Variants in DISC1 observed in about 807,000 individuals in gnomAD.
DISC1 encodes the protein disrupted in schizophrenia 1 protein.
DISC1 carries 57 observed loss-of-function variants against 84.5 expected under a neutral mutation model. The observed-to-expected ratio is 0.67, with a 90% CI of 0.55 to 0.84. The LOEUF is 0.84. Ranked by LOEUF, DISC1 falls within the 40% of genes least tolerant of loss-of-function variation. The pLI, the probability that DISC1 is intolerant of heterozygous loss-of-function variation, is 0.00. For missense variants in DISC1, 1,000 were observed against 1,057.8 expected (o/e 0.95, Z 0.76); for synonymous variants, 411 against 415.2 (o/e 0.99, Z 0.12).
intron 9 of DISC1, among the ~76,000 whole-genome samples, chr1:231,948,972 C>T (rs1206892425): frequency 1.3e-5 from 2 of 148,232 alleles, no homozygotes; most frequent in Non-Finnish European, 3.0e-5. Context: ...TGGGTTCAAG[C>T]GATTCTCCTG....
chr1:231,990,503 G>A (rs1200491519), intron 10 of DISC1, among the ~76,000 whole-genome samples: 1 of 152,112 alleles, frequency 6.6e-6, no homozygotes, highest in Admixed American at 6.5e-5. Flanking sequence ...GTGATTGTTG[G>A]CACTGCTCTT....
Position 231,626,828 on chromosome 1 carries a change from G to A in DISC1, c.-40G>A. 1 of 1,412,364 alleles carries A rather than the reference G, an allele frequency of 7.1e-7. No individual in the cohort carries two copies. The highest frequency in any genetic ancestry group is 9.2e-7 in the Non-Finnish European group (1 of 1,089,698). 87.5% of individuals were successfully genotyped at this position (1,412,364 alleles called of 1,614,324 possible). On this transcript the variant is annotated 5_prime_UTR_variant, in exon 1 of 13. Transcript: ENST00000439617. ...CTCTGGCCTCGGGGAAGGAGCAGGA[G>A]GCAGCCCAGGCGGAGCGGGAGGAGC...
chr1:231,672,373 A>G, intron 1 of DISC1, among the ~76,000 whole-genome samples: 1 of 152,172 alleles, frequency 6.6e-6, no homozygotes, highest in East Asian at 1.9e-4. Context: ...CTCCTAAATT[A>G]TGCTACCACT....
At chr1:231,839,730 G>A (rs913628639) in intron 9 of DISC1, among the ~76,000 whole-genome samples, 1 of 152,228 alleles carries the variant, frequency 6.6e-6, no homozygotes, top group Non-Finnish European at 1.5e-5. Context: ...GGCTGTACAT[G>A]AAATATAGTG....
At position 231,694,015 on chromosome 1, in the gene DISC1, G is replaced by A. The variant is rs1229813627; in HGVS notation, c.257G>A (p.Cys86Tyr). The change falls in exon 2 of 13, where the codon TGT becomes TAT. Residue 86 changes from cysteine to tyrosine, a missense_variant. This residue lies in a region of DISC1 where 292 missense variants were observed against 280.2 expected (regional missense o/e 1.04). Transcript: ENST00000439617. ...CACTCGGAGTCCAGGGCCAGACAGT[G>A]TGGCCTTGACTCGAGAGGCCTCTTG... The part of the protein sequence containing the change: ...SHHSESRARQ[C>Y]GLDSRGLLVR... The A allele has an allele frequency of 5.0e-6, 8 of 1,614,044 alleles. No individual in the cohort carries two copies. The highest frequency in any genetic ancestry group is 6.8e-6 in the Non-Finnish European group (8 of 1,180,006).
intron 3 of DISC1, among the ~76,000 whole-genome samples, chr1:231,719,043 T>C (rs2069203310): frequency 6.6e-6 from 1 of 152,162 alleles, no homozygotes; most frequent in African/African-American, 2.4e-5. Flanking sequence ...GAGGATTGTT[T>C]AAGCCCAGGA....
intron 9 of DISC1, among the ~76,000 whole-genome samples, chr1:231,898,819 G>T (rs1342789289): frequency 2.0e-5 from 3 of 152,062 alleles, no homozygotes; most frequent in African/African-American, 4.8e-5. Context: ...TGTAATCCCA[G>T]CTACTCAGGA....
chr1:231,731,163 G>A lies in DISC1; in HGVS notation c.1118-18763G>A, dbSNP rs140788750. Among the ~76,000 whole-genome samples, 1,389 of 152,266 alleles carry A rather than the reference G, an allele frequency of 9.1e-3. 5 individuals carry two copies. The highest frequency in any genetic ancestry group is 0.014 in the Non-Finnish European group (973 of 68,024). On this transcript the variant is annotated intron_variant, in intron 3 of 12. Transcript: ENST00000439617. ...TATTCTGTTGTAGCCCAGTTTTTAG[G>A]CAGTATTGATTCAGGAAAGGCAAGC...
intron 9 of DISC1, among the ~76,000 whole-genome samples, chr1:231,891,510 G>A (rs938750248): frequency 5.3e-5 from 8 of 152,172 alleles, no homozygotes; most frequent in Non-Finnish European, 8.8e-5. Flanking sequence ...ACTTTATTGT[G>A]GTTTCTGCAG....
At chr1:232,017,500 T>TA (rs1491509888) in intron 11 of DISC1, among the ~76,000 whole-genome samples, 11 of 129,002 alleles carry the variant, frequency 8.5e-5, no homozygotes, top group Non-Finnish European at 1.8e-4. Context: ...TTTTTTTTTT[T>TA]ACTGTGTAGC....
At chr1:231,648,215 T>C (rs1305124291) in intron 1 of DISC1, among the ~76,000 whole-genome samples, 1 of 152,254 alleles carries the variant, frequency 6.6e-6, no homozygotes, top group Admixed American at 6.5e-5. Context: ...ATAGCTCTTA[T>C]TATTTTGAGA....
At position 231,969,201 on chromosome 1, in the gene DISC1, T is replaced by G. The variant is rs866844042; in HGVS notation, c.2042+10313T>G. Among the ~76,000 whole-genome samples, 250 of 149,212 alleles carry G rather than the reference T, an allele frequency of 1.7e-3. 4 individuals carry two copies. Among genetic ancestry groups the G allele is most frequent in the African/African-American group, 5.8e-3 (235 of 40,512 alleles). On this transcript the variant is annotated intron_variant, in intron 10 of 12. Coordinates refer to ENST00000439617, the MANE Select transcript of DISC1 (RefSeq NM_018662.3). ...ACACTCAGCGGTTTTTTTTTTTTTTTTTTTTTTTTTGCTGTCTGCCCTTTG... is the reference window on the plus strand; with the variant it reads ...ACACTCAGCGGTTTTTTTTTTTTTTGTTTTTTTTTTGCTGTCTGCCCTTTG...
intron 9 of DISC1, among the ~76,000 whole-genome samples, chr1:231,874,885 C>A (rs1441621668): frequency 7.0e-6 from 1 of 143,492 alleles, no homozygotes; most frequent in African/African-American, 2.6e-5. Flanking sequence ...CACTCCAGCT[C>A]TAGCCTGGGT....
intron 9 of DISC1, among the ~76,000 whole-genome samples, chr1:231,886,754 T>C (rs11122364): frequency 0.013 from 1,594 of 124,130 alleles, 41 homozygotes; most frequent in African/African-American, 0.046. Flanking sequence ...TTTCTTCCTT[T>C]CTTCCTTCCT....
intron 9 of DISC1, among the ~76,000 whole-genome samples, chr1:231,874,038 G>C (rs1486889159): frequency 6.6e-6 from 1 of 151,506 alleles, no homozygotes; most frequent in African/African-American, 2.4e-5. Flanking sequence ...GGTAGAGATG[G>C]AGTTTCACTA....
At chr1:232,035,465 G>A (rs185473220) in intron 12 of DISC1, among the ~76,000 whole-genome samples, 1 of 152,208 alleles carries the variant, frequency 6.6e-6, no homozygotes, top group East Asian at 1.9e-4. Flanking sequence ...AAAAAGAAAG[G>A]GAAAGCTTTC....
Position 232,026,417 on chromosome 1 carries a change from T to G in DISC1, c.2308-18T>G. 6.5e-7 allele frequency: 1 copy of G among 1,549,778 alleles called. No individual in the cohort carries two copies. The highest frequency in any genetic ancestry group is 8.8e-7 in the Non-Finnish European group (1 of 1,134,948). On this transcript the variant is annotated intron_variant, in intron 11 of 12. Transcript: ENST00000439617. ...TCCACGGCACTAACAAGTGATCTTGTTTTCCCCCTCTCGCCAGGAATCTTA... is the reference window on the plus strand; with the variant it reads ...TCCACGGCACTAACAAGTGATCTTGGTTTCCCCCTCTCGCCAGGAATCTTA...
chr1:231,655,894 T>C (rs2061023358), intron 1 of DISC1, among the ~76,000 whole-genome samples: 1 of 152,200 alleles, frequency 6.6e-6, no homozygotes, highest in African/African-American at 2.4e-5. Flanking sequence ...CATTTGTATA[T>C]GTTATTTTGA....
At chr1:231,869,036 C>T (rs753445427) in intron 9 of DISC1, among the ~76,000 whole-genome samples, 7 of 152,006 alleles carry the variant, frequency 4.6e-5, no homozygotes, top group Non-Finnish European at 7.4e-5. Flanking sequence ...GAAGAAGCCA[C>T]GTTGCTGGAC....
Sources: gnomAD v4.1 joint callset for allele counts (sites outside exome capture counted in the v4.1 genomes callset) on GRCh38, gnomAD v4.1.1 for gene constraint, gnomAD v4.1.1 regional missense constraint, MANE v1.5 for transcripts, NCBI Gene and HGNC (gene_info 2026-07-23, HGNC 2026-07-21) for gene names.